The following CCDC191 variants were observed in gnomAD, a reference collection of about 807,000 sequenced individuals.
CCDC191 encodes coiled-coil domain containing 191.
A neutral mutation model predicts 114.0 loss-of-function variants in CCDC191; 99 were observed. The observed-to-expected ratio is 0.87, with a 90% CI of 0.74 to 1.03. CCDC191 has a LOEUF of 1.03. Ranked by LOEUF, CCDC191 falls within the 50% of genes least tolerant of loss-of-function variation. The pLI, the probability that CCDC191 is intolerant of heterozygous loss-of-function variation, is 0.00. For synonymous variants in CCDC191, 351 were observed against 376.0 expected (o/e 0.93, Z 0.77); for missense variants, 973 against 1,087.0 (o/e 0.90, Z 1.47).
At chr3:114,009,085 C>G (rs577966420) in intron 9 of CCDC191, among the ~76,000 whole-genome samples, 5 of 152,112 alleles carry the variant, frequency 3.3e-5, no homozygotes, top group African/African-American at 4.8e-5. Flanking sequence ...AAACAGTATA[C>G]AAGATAAAAA....
At chr3:114,011,218 C>T (rs562744563) in intron 8 of CCDC191, among the ~76,000 whole-genome samples, 197 bp from the exon 9 acceptor site, 1 of 152,320 alleles carries the variant, frequency 6.6e-6, no homozygotes, top group African/African-American at 2.4e-5. Context: ...GGTGTCAGCA[C>T]TTCAACAGAT....
intron 13 of CCDC191, among the ~76,000 whole-genome samples, chr3:113,990,524 G>T (rs2107634442): frequency 6.6e-6 from 1 of 151,860 alleles, no homozygotes; most frequent in Non-Finnish European, 1.5e-5. Flanking sequence ...CTCAGGTGAT[G>T]GGTGCACCTA....
At position 113,981,410 on chromosome 3, in the gene CCDC191, C is replaced by T. The variant is rs144268508; in HGVS notation, c.2164-617G>A. Among the ~76,000 whole-genome samples, 721 of 152,216 alleles carry T rather than the reference C, an allele frequency of 4.7e-3. 7 individuals are homozygous for T. The highest frequency in any genetic ancestry group is 0.017 in the African/African-American group (686 of 41,542). On this transcript the variant is annotated intron_variant, in intron 13 of 16. Coordinates refer to ENST00000295878, the MANE Select transcript of CCDC191 (RefSeq NM_020817.2). Reference sequence around the variant, plus strand: ...GTGTGACCAAGAAAGATGACAAAAACTTAATGATCGACCCTATAGATATCA... The same window carrying T: ...GTGTGACCAAGAAAGATGACAAAAATTTAATGATCGACCCTATAGATATCA...
intron 7 of CCDC191, among the ~76,000 whole-genome samples, chr3:114,019,240 A>G (rs912535873): frequency 2.6e-5 from 4 of 152,194 alleles, no homozygotes; most frequent in African/African-American, 9.7e-5. Context: ...GGAGCTCAAA[A>G]TACCAACCAT....
chr3:114,029,314 T>G lies in CCDC191; in HGVS notation c.972+2312A>C, dbSNP rs539684271. ...AGTAAACAACAACAATATTAGATTA[T>G]GACCCATAGAATAAAATAAATATCA... On this transcript the variant is annotated intron_variant, in intron 7 of 16. Coordinates refer to ENST00000295878, the MANE Select transcript of CCDC191 (RefSeq NM_020817.2). Among the ~76,000 whole-genome samples the G allele has an allele frequency of 3.9e-5, 6 of 152,286 alleles. No individual in the cohort carries two copies. In the South Asian group the frequency reaches 1.2e-3, roughly 32 times the overall value.
chr3:114,047,950 G>A (rs2076652120), intron 2 of CCDC191, among the ~76,000 whole-genome samples: 1 of 152,096 alleles, frequency 6.6e-6, no homozygotes, highest in Non-Finnish European at 1.5e-5. Flanking sequence ...ACTCCAGCTC[G>A]AGTGACAGAG....
At chr3:113,988,446 G>A (rs1026201559) in intron 13 of CCDC191, among the ~76,000 whole-genome samples, 1 of 151,848 alleles carries the variant, frequency 6.6e-6, no homozygotes, top group African/African-American at 2.4e-5. Flanking sequence ...GACCAGCATG[G>A]CAAAACCTAG....
intron 8 of CCDC191, among the ~76,000 whole-genome samples, chr3:114,015,037 C>T (rs534918157): frequency 2.0e-5 from 3 of 152,086 alleles, no homozygotes; most frequent in Admixed American, 6.6e-5. Flanking sequence ...AATGACCAAA[C>T]GAATGAGATG....
rs977598886 is a variant in CCDC191, at chr3:113,978,878, C to T, written c.2440G>A (p.Val814Ile). The part of the protein sequence containing the change: ...QFYSQILLKR[V>I]IQSWLQYVID... ...CTTACCTGTAGCCAGCTCTGGATGA[C>T]TCTCTTAAGCAGTATTTGGGAATAA... Residue 814 changes from valine (V) to isoleucine (I), a missense_variant, in exon 15 of 17, where the codon GTC (valine) becomes ATC (isoleucine). Physicochemically the swap from Val to Ile is conservative, Grantham distance 29. Transcript: ENST00000295878. The T allele has an allele frequency of 1.2e-6, 2 of 1,613,948 alleles. No individual in the cohort carries two copies. Among genetic ancestry groups the T allele is most frequent in the Non-Finnish European group, 1.7e-6 (2 of 1,179,902 alleles).
intron 8 of CCDC191, among the ~76,000 whole-genome samples, chr3:114,016,131 A>C (rs1397548216): frequency 1.3e-5 from 2 of 152,226 alleles, no homozygotes; most frequent in East Asian, 3.8e-4. Context: ...AAAACAACTG[A>C]CATTTAAATA....
intron 8 of CCDC191, among the ~76,000 whole-genome samples, chr3:114,014,630 A>T (rs2076128660): frequency 1.3e-5 from 2 of 152,100 alleles, no homozygotes; most frequent in Admixed American, 1.3e-4. Context: ...TATCCAAATT[A>T]AAAAATGCCC....
intron 11 of CCDC191, chr3:114,002,777 G>C: frequency 1.1e-6 from 1 of 925,270 alleles, no homozygotes; most frequent in Non-Finnish European, 1.3e-6. Context: ...TAATTATTTT[G>C]TTTACATTTT....
At position 113,964,595 on chromosome 3, in the gene CCDC191, G is replaced by C. The variant is rs1340224304; in HGVS notation, c.*560C>G. On this transcript the variant is annotated 3_prime_UTR_variant, in exon 17 of 17. Transcript: ENST00000295878. ...GAAGAGAAGCATCTCTGGTGCCTCA[G>C]TTTCTCTGAAATCAGGATAAGCTGC... 1 of 152,230 alleles carries C rather than the reference G, an allele frequency of 6.6e-6. No individual in the cohort carries two copies. Among genetic ancestry groups the C allele is most frequent in the African/African-American group, 2.4e-5 (1 of 41,454 alleles). 9.4% of individuals were successfully genotyped at this position (152,230 alleles called of 1,614,324 possible).
intron 16 of CCDC191, among the ~76,000 whole-genome samples, chr3:113,965,801 G>A (rs964929629): frequency 7.2e-5 from 11 of 151,972 alleles, no homozygotes; most frequent in African/African-American, 2.2e-4. Context: ...CACCATGTTG[G>A]CCAGGCTGGT....
intron 3 of CCDC191, among the ~76,000 whole-genome samples, chr3:114,044,239 G>A (rs923835731): frequency 1.2e-4 from 18 of 152,222 alleles, no homozygotes; most frequent in African/African-American, 3.4e-4. Flanking sequence ...AGGATTTAGC[G>A]GTTGAAGAGA....
chr3:113,984,189 A>G (rs2075273634), intron 13 of CCDC191: 1 of 151,844 alleles, frequency 6.6e-6, no homozygotes, highest in Non-Finnish European at 1.5e-5. Flanking sequence ...AATATATATG[A>G]TTGCCCCAGA....
At chr3:113,978,733 G>A in intron 15 of CCDC191, 125 bp downstream of exon 15, 1 of 957,624 alleles carries the variant, frequency 1.0e-6, no homozygotes, top group East Asian at 2.4e-5. Context: ...AGCAGTGAAT[G>A]GGATTGACTA....
chr3:113,988,888 G>C (rs1021963206), intron 13 of CCDC191, among the ~76,000 whole-genome samples: 1 of 151,960 alleles, frequency 6.6e-6, no homozygotes, highest in Non-Finnish European at 1.5e-5. Context: ...CCGCCTCCCG[G>C]GTTCATGCCA....
intron 8 of CCDC191, among the ~76,000 whole-genome samples, chr3:114,012,622 C>T (rs532211413): frequency 9.2e-5 from 14 of 152,260 alleles, no homozygotes; most frequent in African/African-American, 2.9e-4. Flanking sequence ...CCCTGTAACA[C>T]TTTATTCAAG....
Sources: gnomAD v4.1 joint callset for allele counts (sites outside exome capture counted in the v4.1 genomes callset) on GRCh38, gnomAD v4.1.1 for gene constraint, MANE v1.5 for transcripts, NCBI Gene and HGNC (gene_info 2026-07-23, HGNC 2026-07-21) for gene names.